Variants in SLC7A5 observed in about 807,000 individuals in gnomAD.
The protein encoded by SLC7A5 is large neutral amino acids transporter small subunit 1.
A neutral mutation model predicts 50.2 loss-of-function variants in SLC7A5; 23 were observed. That is an observed-to-expected ratio of 0.46 (90% CI 0.33 to 0.65). The LOEUF (loss-of-function observed/expected upper bound fraction) is 0.65. Ranked by LOEUF, SLC7A5 falls within the 30% of genes least tolerant of loss-of-function variation. The probability of loss-of-function intolerance (pLI) is 0.02; values close to 1 mark genes in which losing one functional copy is unlikely to be tolerated. For synonymous variants in SLC7A5, 393 were observed against 330.6 expected (o/e 1.19, Z -2.05); for missense variants, 578 against 684.4 (o/e 0.84, Z 1.73).
chr16:87,847,898 C>T (rs150375156), intron 2 of SLC7A5, among the ~76,000 whole-genome samples: 76 of 152,336 alleles, frequency 5.0e-4, no homozygotes, highest in Middle Eastern at 3.4e-3. Flanking sequence ...GTGGCACACA[C>T]GTATTTACCG....
rs2055266998 is a variant in SLC7A5 at position 87,853,593 on chromosome 16, C to T, written c.539-1744G>A. On this transcript the variant is annotated intron_variant, in intron 1 of 9. Transcript: ENST00000261622. The surrounding 1 kb of genome is among the most constrained non-coding windows in gnomAD (Gnocchi z 4.4). Reference sequence around the variant, plus strand: ...GTCAGGTCAGTGGGTCTAGGCAGCTCCTTGTCCGCTGCACAGGGCAAGGGG... The same window carrying T: ...GTCAGGTCAGTGGGTCTAGGCAGCTTCTTGTCCGCTGCACAGGGCAAGGGG... Among the ~76,000 whole-genome samples the T allele has an allele frequency of 1.3e-5, 2 of 152,138 alleles. No homozygotes were observed. The highest frequency in any genetic ancestry group is 2.4e-5 in the African/African-American group (1 of 41,414).
chr16:87,864,682 G>A (rs1032868032), intron 1 of SLC7A5, among the ~76,000 whole-genome samples: 14 of 152,216 alleles, frequency 9.2e-5, no homozygotes, highest in African/African-American at 2.9e-4. Context: ...GGTCCCAGCC[G>A]CTTATAGGCT....
At position 87,833,857 on chromosome 16, in the gene SLC7A5, CT is replaced by C. The variant is rs5818649; in HGVS notation, c.1468+556del. Among the ~76,000 whole-genome samples, 56,832 of 141,426 alleles carry C rather than the reference CT, an allele frequency of 0.4. 12,998 individuals are homozygous for C. The highest frequency in any genetic ancestry group is 0.64 in the African/African-American group (24,223 of 38,142). The allele number at this position is 141,426 out of a possible 152,430, so 92.8% of individuals were successfully genotyped here. ...CCGGGGGGCGGGTTTCTCCTTCTGC[CT>C]TTTTTTTTTTTTTTGAGAAGAGTCT... On this transcript the variant is annotated intron_variant, in intron 9 of 9. Coordinates refer to ENST00000261622, the MANE Select transcript of SLC7A5 (RefSeq NM_003486.7). The surrounding 1 kb of genome is among the most constrained non-coding windows in gnomAD (Gnocchi z 6.0).
Position 87,832,651 on chromosome 16 carries a change from C to T in SLC7A5, c.*319G>A, listed in dbSNP as rs919724956. ...CCTTAAAAAATCATCTTAGTGGTGT[C>T]AAGTTGACCCAAAATTTAAGTTTAA... On this transcript the variant is annotated 3_prime_UTR_variant, in exon 10 of 10. Transcript: ENST00000261622. The surrounding 1 kb of genome is among the most constrained non-coding windows in gnomAD (Gnocchi z 4.6). 3.0e-5 allele frequency: 5 copies of T among 165,260 alleles called. No homozygotes were observed. The highest frequency in any genetic ancestry group is 3.0e-4 in the Admixed American group (5 of 16,684). 10.2% of individuals were successfully genotyped at this position (165,260 alleles called of 1,614,324 possible).
chr16:87,851,914 G>C, intron 1 of SLC7A5, 65 bp from the exon 2 acceptor site: 1 of 1,603,722 alleles, frequency 6.2e-7, no homozygotes, highest in South Asian at 1.1e-5. Flanking sequence ...GGGTAGGCTG[G>C]GAGGTGACGA....
In SLC7A5 at chr16:87,869,042, C is replaced by T; in HGVS notation, c.381G>A (p.Leu127=). 6.2e-7 allele frequency: 1 copy of T among 1,611,602 alleles called. No homozygotes were observed. Among genetic ancestry groups the T allele is most frequent in the South Asian group, 1.1e-5 (1 of 90,998 alleles). Residue 127 remains leucine (L), a synonymous_variant, in exon 1 of 10, where the codon CTG becomes CTA. Coordinates refer to ENST00000261622, the MANE Select transcript of SLC7A5 (RefSeq NM_003486.7). ...YAYMLEVYGS[L]PAFLKLWIEL... Reference sequence around the variant, plus strand: ...CGATCCAGAGCTTGAGGAAGGCGGGCAGCGAGCCGTAGACCTCCAGCATGT... The same window carrying T: ...CGATCCAGAGCTTGAGGAAGGCGGGTAGCGAGCCGTAGACCTCCAGCATGT...
intron 1 of SLC7A5, among the ~76,000 whole-genome samples, chr16:87,864,855 A>C (rs540419872): frequency 6.6e-6 from 1 of 152,344 alleles, no homozygotes; most frequent in East Asian, 1.9e-4. Flanking sequence ...CCACGGTCTT[A>C]AGATTATGCG....
intron 2 of SLC7A5, among the ~76,000 whole-genome samples, chr16:87,847,466 G>A (rs932375176): frequency 6.6e-6 from 1 of 152,194 alleles, no homozygotes; most frequent in Non-Finnish European, 1.5e-5. Flanking sequence ...GAGGGGCTCA[G>A]GGGGCTGCCT....
intron 8 of SLC7A5, among the ~76,000 whole-genome samples, chr16:87,835,512 C>T (rs1303165726): frequency 6.6e-6 from 1 of 152,214 alleles, no homozygotes; most frequent in African/African-American, 2.4e-5. Context: ...TTGTTTGAGA[C>T]GGAGTCTCAC....
At chr16:87,838,008 G>T in intron 6 of SLC7A5, 67 bp from the exon 7 acceptor site, 1 of 1,246,362 alleles carries the variant, frequency 8.0e-7, no homozygotes. Flanking sequence ...CAGGGGACAC[G>T]CAGGCTGGGG....
rs1567501824 is a variant in SLC7A5, at chr16:87,861,026, T to C, written c.538+7859A>G. ...AAGGAGACGCTGTGGGGGGCCCTCCTGTTGGAAAAGGGCAGCAGCGGGAAG... is the reference window on the plus strand; with the variant it reads ...AAGGAGACGCTGTGGGGGGCCCTCCCGTTGGAAAAGGGCAGCAGCGGGAAG... On this transcript the variant is annotated intron_variant, in intron 1 of 9. Coordinates refer to ENST00000261622, the MANE Select transcript of SLC7A5 (RefSeq NM_003486.7). The surrounding 1 kb of genome is among the most constrained non-coding windows in gnomAD (Gnocchi z 4.2). Among the ~76,000 whole-genome samples the C allele has an allele frequency of 6.6e-6, 1 of 152,272 alleles. No homozygotes were observed. Among genetic ancestry groups the C allele is most frequent in the East Asian group, 1.9e-4 (1 of 5,174 alleles).
chr16:87,865,780 G>A (rs1208644342), intron 1 of SLC7A5, among the ~76,000 whole-genome samples: 3 of 151,958 alleles, frequency 2.0e-5, no homozygotes, highest in African/African-American at 4.8e-5. Flanking sequence ...ATCCAGGAAC[G>A]CGTGACTTGG....
In SLC7A5 at chr16:87,850,236, C is replaced by T. The variant is rs79182344; in HGVS notation, c.664+1488G>A. On this transcript the variant is annotated intron_variant, in intron 2 of 9. Coordinates refer to ENST00000261622, the MANE Select transcript of SLC7A5 (RefSeq NM_003486.7). Reference sequence around the variant, plus strand: ...GCGGGGCACTGTTCAGTTCACAGCCCACCAGTGGCACGGTGCACACAGGAG... The same window carrying T: ...GCGGGGCACTGTTCAGTTCACAGCCTACCAGTGGCACGGTGCACACAGGAG... Among the ~76,000 whole-genome samples the T allele has an allele frequency of 4.2e-3, 635 of 152,296 alleles. 17 individuals carry two copies. The highest frequency in any genetic ancestry group is 0.011 in the East Asian group (58 of 5,176).
chr16:87,851,784 C>G lies in SLC7A5; in HGVS notation c.604G>C (p.Ala202Pro). ...AGGGCCAGGGCCAGGAGCTTGGCGG[C>G]GGCAAAGGCATCCTGGACCCGGGTG... Reference protein sequence around the residue: ...AATRVQDAFAAAKLLALALII... With the variant: ...AATRVQDAFAPAKLLALALII... Residue 202 changes from alanine to proline, a missense_variant, in exon 2 of 10, where the codon GCC (alanine) becomes CCC (proline). By Grantham distance (27) the Ala-to-Pro change is conservative. Coordinates refer to ENST00000261622, the MANE Select transcript of SLC7A5 (RefSeq NM_003486.7). The G allele has an allele frequency of 6.2e-7, 1 of 1,613,148 alleles. No individual in the cohort carries two copies. Among genetic ancestry groups the G allele is most frequent in the Non-Finnish European group, 8.5e-7 (1 of 1,179,958 alleles).
chr16:87,841,233 G>A lies in SLC7A5; in HGVS notation c.665-78C>T, dbSNP rs979329159. The A allele has an allele frequency of 6.3e-6, 6 of 959,736 alleles. No individual in the cohort carries two copies. Among genetic ancestry groups the A allele is most frequent in the Admixed American group, 5.3e-5 (3 of 56,762 alleles). 59.5% of individuals were successfully genotyped at this position (959,736 alleles called of 1,614,324 possible). ...ATGCTACCAGTTCTAGAATGTTCCTGGAGCAAAATACATAGCAAACAAAAA... is the reference window on the plus strand; with the variant it reads ...ATGCTACCAGTTCTAGAATGTTCCTAGAGCAAAATACATAGCAAACAAAAA... On this transcript the variant is annotated intron_variant, in intron 2 of 9. Transcript: ENST00000261622. The surrounding 1 kb of genome is among the most constrained non-coding windows in gnomAD (Gnocchi z 4.8).
At chr16:87,840,515 C>G in intron 3 of SLC7A5, 42 bp from the exon 4 acceptor site, 2 of 1,516,700 alleles carry the variant, frequency 1.3e-6, no homozygotes, top group Non-Finnish European at 1.8e-6. Context: ...TGATCCTCAT[C>G]AGGGAAAATA....
chr16:87,847,881 C>A (rs2055173346), intron 2 of SLC7A5, among the ~76,000 whole-genome samples: 1 of 152,216 alleles, frequency 6.6e-6, no homozygotes, highest in Non-Finnish European at 1.5e-5. Flanking sequence ...CCCTGCCCCA[C>A]AGCCCAGTGG....
rs544613540 is a variant in SLC7A5 at position 87,869,155 on chromosome 16, C to T, written c.268G>A (p.Ala90Thr). The part of the protein sequence containing the change: ...GSPGLALVVW[A>T]ACGVFSIVGA... Reference sequence around the variant, plus strand: ...ACGATGGAGAAGACGCCGCACGCGGCCCACACCACCAGCGCCAGCCCCGGC... The same window carrying T: ...ACGATGGAGAAGACGCCGCACGCGGTCCACACCACCAGCGCCAGCCCCGGC... Residue 90 changes from alanine (A) to threonine (T), a missense_variant, in exon 1 of 10, where the codon GCC becomes ACC. By Grantham distance (58) the Ala-to-Thr change is moderately conservative. Coordinates refer to ENST00000261622, the MANE Select transcript of SLC7A5 (RefSeq NM_003486.7). 18 of 1,612,040 alleles carry T rather than the reference C, an allele frequency of 1.1e-5. No homozygotes were observed. In the Admixed American group the frequency reaches 2.2e-4, roughly 19 times the overall value.
At position 87,863,913 on chromosome 16, in the gene SLC7A5, A is replaced by C. The variant is rs571571674; in HGVS notation, c.538+4972T>G. 6.0e-5 allele frequency among the ~76,000 whole-genome samples: 9 copies of C among 148,802 alleles called. No homozygotes were observed. The South Asian group carries it at 1.3e-3, about 21-fold the overall frequency. On this transcript the variant is annotated intron_variant, in intron 1 of 9. Transcript: ENST00000261622. ...TCTGTAGGATCAGGCTCAAGGAATA[A>C]GGGGGTAAAAGGTGCCCTTTCCCTT...
Sources: allele counts gnomAD v4.1 joint callset (sites outside exome capture counted in the v4.1 genomes callset), GRCh38; gene constraint gnomAD v4.1.1; non-coding constraint Gnocchi (gnomAD v3.1); transcripts MANE v1.5; gene names NCBI Gene and HGNC (gene_info 2026-07-23, HGNC 2026-07-21).